Variants in POLR3B observed in about 807,000 individuals in gnomAD.
The protein encoded by POLR3B is RNA polymerase III subunit B.
A neutral mutation model predicts 147.4 loss-of-function variants in POLR3B; 96 were observed. The observed-to-expected ratio is 0.65, with a 90% confidence interval of 0.55 to 0.77. The LOEUF is 0.77. POLR3B is among the 30% of genes least tolerant of loss of function. POLR3B has a pLI of 0.00. For synonymous variants in POLR3B, 461 were observed against 485.9 expected (o/e 0.95, Z 0.67); for missense variants, 1,036 against 1,413.5 (o/e 0.73, Z 4.28).
chr12:106,502,156 A>G (rs930086387), intron 26 of POLR3B, among the ~76,000 whole-genome samples: 2 of 152,096 alleles, frequency 1.3e-5, no homozygotes, highest in Admixed American at 1.3e-4. Flanking sequence ...AGATGTCCCA[A>G]CTTGGTGCTG....
At position 106,380,028 on chromosome 12, in the gene POLR3B, T is replaced by A. The variant is rs368511518; in HGVS notation, c.615-3T>A. ...AGTTTAACCAACTTGTATTTACTCA[T>A]AGCTCTACCCATGAGAAAAAAAGCA... On this transcript the variant is annotated splice_region_variant and splice_polypyrimidine_tract_variant and intron_variant, in intron 8 of 27. Coordinates refer to ENST00000228347, the MANE Select transcript of POLR3B (RefSeq NM_018082.6). 6.3e-7 allele frequency: 1 copy of A among 1,595,560 alleles called. No homozygotes were observed. The highest frequency in any genetic ancestry group is 2.2e-5 in the East Asian group (1 of 44,730).
intron 11 of POLR3B, among the ~76,000 whole-genome samples, chr12:106,408,860 A>G (rs1040514899): frequency 5.3e-5 from 8 of 152,192 alleles, no homozygotes; most frequent in East Asian, 1.9e-4. Context: ...ACTCATTTCA[A>G]TTTAGACCTA....
chr12:106,464,642 G>C (rs2037982338), intron 23 of POLR3B, among the ~76,000 whole-genome samples: 1 of 152,074 alleles, frequency 6.6e-6, no homozygotes, highest in Admixed American at 6.5e-5. Context: ...CATTAACATT[G>C]ACCATCTTTT....
intron 2 of POLR3B, among the ~76,000 whole-genome samples, chr12:106,365,870 A>G (rs538433392): frequency 6.8e-6 from 1 of 146,518 alleles, no homozygotes; most frequent in African/African-American, 2.4e-5. Context: ...AAAAAAAAAA[A>G]AAATTTTTTT....
chr12:106,423,703 G>A lies in POLR3B; in HGVS notation c.1102-3494G>A, dbSNP rs375127653. Among the ~76,000 whole-genome samples the A allele has an allele frequency of 1.6e-4, 24 of 152,208 alleles. No individual in the cohort carries two copies. In the South Asian group the frequency reaches 4.8e-3, roughly 30 times the overall value. ...TGCCTGCTGACGTTGGTTGAGGGCG[G>A]ATCTTCCTTACTCAGCCCACTGATT... On this transcript the variant is annotated intron_variant, in intron 12 of 27. Transcript: ENST00000228347.
At chr12:106,470,617 G>A (rs1209343469) in intron 23 of POLR3B, among the ~76,000 whole-genome samples, 1 of 152,060 alleles carries the variant, frequency 6.6e-6, no homozygotes, top group Admixed American at 6.6e-5. Flanking sequence ...CTTTGATGTT[G>A]GTGACCTATG....
chr12:106,465,599 G>T (rs1205598584), intron 23 of POLR3B, among the ~76,000 whole-genome samples: 1 of 152,120 alleles, frequency 6.6e-6, no homozygotes, highest in Non-Finnish European at 1.5e-5. Flanking sequence ...TTCTCCTAAT[G>T]TTATCCCTCC....
At chr12:106,477,599 A>T (rs571989313) in intron 23 of POLR3B, among the ~76,000 whole-genome samples, 1 of 152,134 alleles carries the variant, frequency 6.6e-6, no homozygotes, top group East Asian at 1.9e-4. Flanking sequence ...TGAAAAGCGC[A>T]ATATTCAGGT....
chr12:106,398,237 A>G (rs1272750609), intron 10 of POLR3B, among the ~76,000 whole-genome samples: 1 of 152,232 alleles, frequency 6.6e-6, no homozygotes, highest in Non-Finnish European at 1.5e-5. Context: ...GCTCATTGCT[A>G]GCACAGCAGT....
intron 23 of POLR3B, among the ~76,000 whole-genome samples, chr12:106,486,287 CAAAAAAAAAAAAAAA>C (rs1195017160): frequency 7.1e-5 from 2 of 28,264 alleles, no homozygotes; most frequent in Non-Finnish European, 1.1e-4. Flanking sequence ...GACTCCGTCT[CAAAAAAAAAAAAAAA>C]AAAAAAAAAA....
chr12:106,440,272 A>G (rs2037632670), intron 18 of POLR3B, among the ~76,000 whole-genome samples: 1 of 152,008 alleles, frequency 6.6e-6, no homozygotes, highest in South Asian at 2.1e-4. Context: ...CACTACCTCA[A>G]TCCATCACCT....
At chr12:106,496,370 T>C in intron 24 of POLR3B, 1 of 654,866 alleles carries the variant, frequency 1.5e-6, no homozygotes. Context: ...TATACCTCCC[T>C]TTGAGAGTGG....
chr12:106,360,352 T>C (rs2036453416), intron 1 of POLR3B, among the ~76,000 whole-genome samples: 1 of 152,192 alleles, frequency 6.6e-6, no homozygotes, highest in Non-Finnish European at 1.5e-5. Flanking sequence ...TAGTCTCTTT[T>C]CCCATGGTTC....
chr12:106,367,758 A>G (rs571092844), intron 4 of POLR3B, among the ~76,000 whole-genome samples: 16 of 152,144 alleles, frequency 1.1e-4, no homozygotes, highest in Non-Finnish European at 2.1e-4. Flanking sequence ...TCTCCACTGA[A>G]AGGTTACTAT....
Position 106,369,654 on chromosome 12 carries a change from G to T in POLR3B, c.375G>T (p.Arg125Ser), listed in dbSNP as rs1379630508. The change falls in exon 6 of 28, where the codon AGG becomes AGT. Residue 125 changes from arginine (R) to serine (S), a missense_variant. Physicochemically the swap from Arg to Ser is moderately radical, Grantham distance 110. This residue lies in a region of POLR3B where 217 missense variants were observed against 288.7 expected (regional missense o/e 0.75). Transcript: ENST00000228347. ...TTGAATATACCCGAGGCAGCCAGAG[G>T]ATCATCCGCAATGCCTTACCTATCG... The part of the protein sequence containing the change: ...VDIEYTRGSQ[R>S]IIRNALPIGR... The T allele has an allele frequency of 6.2e-7, 1 of 1,612,302 alleles. No homozygotes were observed. The highest frequency in any genetic ancestry group is 1.7e-5 in the Admixed American group (1 of 60,004).
In POLR3B at chr12:106,380,062, A is replaced by G; in HGVS notation, c.646A>G (p.Met216Val). The change falls in exon 9 of 28, where the codon ATG (methionine) becomes GTG (valine). Residue 216 changes from methionine (M) to valine (V), a missense_variant. By Grantham distance (21) the Met-to-Val change is conservative. Coordinates refer to ENST00000228347, the MANE Select transcript of POLR3B (RefSeq NM_018082.6). ...STHEKKSRTN[M>V]AVKQGRFYLR... is the part of the protein sequence containing the mutation. Reference sequence around the variant, plus strand: ...CCATGAGAAAAAAAGCAGAACCAATATGGCTGTGAAACAAGGACGATTTTA... The same window carrying G: ...CCATGAGAAAAAAAGCAGAACCAATGTGGCTGTGAAACAAGGACGATTTTA... The G allele has an allele frequency of 6.2e-7, 1 of 1,613,186 alleles. No individual in the cohort carries two copies. The highest frequency in any genetic ancestry group is 2.2e-5 in the East Asian group (1 of 44,834).
intron 23 of POLR3B, among the ~76,000 whole-genome samples, chr12:106,477,938 T>A (rs2038205279): frequency 8.5e-6 from 1 of 117,760 alleles, no homozygotes; most frequent in Admixed American, 1.2e-4. Flanking sequence ...AGAGCCTCAC[T>A]CTGTCACCCA....
intron 16 of POLR3B, among the ~76,000 whole-genome samples, chr12:106,435,905 A>G (rs1413013596): frequency 6.6e-6 from 1 of 152,178 alleles, no homozygotes. Flanking sequence ...AAAAAATAGT[A>G]GAATGCGTTG....
At chr12:106,491,289 C>G (rs965102045) in intron 23 of POLR3B, among the ~76,000 whole-genome samples, 3 of 152,106 alleles carry the variant, frequency 2.0e-5, no homozygotes, top group Non-Finnish European at 4.4e-5. Flanking sequence ...CCCCGCACCC[C>G]CAAAGTAACA....
Sources: allele counts gnomAD v4.1 joint callset (sites outside exome capture counted in the v4.1 genomes callset), GRCh38; gene constraint gnomAD v4.1.1; regional missense constraint gnomAD v4.1.1; transcripts MANE v1.5; gene names NCBI Gene and HGNC (gene_info 2026-07-23, HGNC 2026-07-21).